Variants in ABCC12 observed in about 807,000 individuals in gnomAD.
ABCC12 encodes the protein ATP binding cassette subfamily C member 12, also known as ATP-binding cassette sub-family C member 12.
A neutral mutation model predicts 151.1 loss-of-function variants in ABCC12; 142 were observed. The ratio of observed to expected loss-of-function variants is 0.94; its 90% CI spans 0.82 to 1.08. The LOEUF (loss-of-function observed/expected upper bound fraction) is 1.08, where lower values mean the gene tolerates loss of function less well. ABCC12 is among the 50% of genes least tolerant of loss of function. ABCC12 has a pLI of 0.00. For missense variants in ABCC12, 1,638 were observed against 1,691.1 expected (o/e 0.97, Z 0.55); for synonymous variants, 645 against 646.4 (o/e 1.00, Z 0.03).
chr16:48,103,156 G>T (rs533100673), intron 22 of ABCC12, among the ~76,000 whole-genome samples: 33 of 152,318 alleles, frequency 2.2e-4, no homozygotes, highest in Non-Finnish European at 4.6e-4. Context: ...GGGTTTGTGG[G>T]CTGAATATTT....
intron 2 of ABCC12, among the ~76,000 whole-genome samples, chr16:48,149,471 A>T (rs904901740): frequency 6.6e-6 from 1 of 152,200 alleles, no homozygotes; most frequent in African/African-American, 2.4e-5. Flanking sequence ...GTTTATTTTA[A>T]ATATAAACAC....
rs763241284 is a variant in ABCC12, at chr16:48,083,511, C to T, written c.*204G>A. Reference sequence around the variant, plus strand: ...ATTAGCTGGGTCTGCCCCGGTTCACCACCCAGAACCAACCCCAAGCCCACC... The same window carrying T: ...ATTAGCTGGGTCTGCCCCGGTTCACTACCCAGAACCAACCCCAAGCCCACC... On this transcript the variant is annotated 3_prime_UTR_variant, in exon 31 of 31. Coordinates refer to ENST00000311303, the MANE Select transcript of ABCC12 (RefSeq NM_001393797.1). 58 of 589,200 alleles carry T rather than the reference C, an allele frequency of 9.8e-5. No individual in the cohort carries two copies. The highest frequency in any genetic ancestry group is 1.4e-4 in the Non-Finnish European group (49 of 341,592). The allele number at this position is 589,200 out of a possible 1,614,324, so 36.5% of individuals were successfully genotyped here. A position where few individuals can be genotyped will look rare whatever the true frequency, so the allele number is the denominator to read the frequency against.
chr16:48,117,457 A>T, intron 13 of ABCC12, 124 bp from the exon 14 acceptor site: 1 of 979,358 alleles, frequency 1.0e-6, no homozygotes, highest in South Asian at 1.5e-5. Context: ...TGCTATGTCC[A>T]AGGCTCCCTG....
chr16:48,100,494 G>GA (rs1225011007), intron 23 of ABCC12, among the ~76,000 whole-genome samples: 1 of 151,960 alleles, frequency 6.6e-6, no homozygotes, highest in Non-Finnish European at 1.5e-5. Context: ...GCCATGAATA[G>GA]AAAAAAAGAA....
intron 13 of ABCC12, among the ~76,000 whole-genome samples, chr16:48,121,051 C>T (rs750805214): frequency 2.0e-5 from 3 of 152,050 alleles, no homozygotes; most frequent in Non-Finnish European, 4.4e-5. Flanking sequence ...ATCACTAACG[C>T]CTATTTCTCC....
intron 12 of ABCC12, among the ~76,000 whole-genome samples, 181 bp from the exon 13 acceptor site, chr16:48,122,021 T>C (rs942783754): frequency 6.6e-6 from 1 of 152,018 alleles, no homozygotes; most frequent in African/African-American, 2.4e-5. Flanking sequence ...AATCTCAGAG[T>C]CAAACACCTG....
intron 13 of ABCC12, among the ~76,000 whole-genome samples, chr16:48,119,171 C>G (rs987401007): frequency 6.6e-6 from 1 of 152,196 alleles, no homozygotes; most frequent in African/African-American, 2.4e-5. Flanking sequence ...CTAGATCCAT[C>G]TTTCAAAGCC....
chr16:48,097,696 C>A (rs1963151408), intron 23 of ABCC12, among the ~76,000 whole-genome samples: 1 of 152,108 alleles, frequency 6.6e-6, no homozygotes, highest in African/African-American at 2.4e-5. Context: ...AGGAAGATGA[C>A]CTTGGAGGCT....
chr16:48,134,316 AT>A (rs1197268011), intron 8 of ABCC12, among the ~76,000 whole-genome samples: 2 of 152,156 alleles, frequency 1.3e-5, no homozygotes, highest in Non-Finnish European at 2.9e-5. Flanking sequence ...ACAAAGGAAA[AT>A]CTTGAGTTCC....
intron 8 of ABCC12, among the ~76,000 whole-genome samples, chr16:48,136,019 G>A (rs775092887): frequency 2.0e-5 from 3 of 152,044 alleles, no homozygotes; most frequent in Non-Finnish European, 2.9e-5. Flanking sequence ...TCATAAGATC[G>A]TCCTCACCAC....
intron 8 of ABCC12, among the ~76,000 whole-genome samples, chr16:48,135,049 CAAA>C (rs1236934094): frequency 1.3e-4 from 10 of 77,942 alleles, no homozygotes; most frequent in South Asian, 4.6e-4. Context: ...GACTCTGTCT[CAAA>C]AAAAAAAAAA....
At chr16:48,144,418 CT>C (rs746861635) in intron 3 of ABCC12, among the ~76,000 whole-genome samples, 1 of 151,410 alleles carries the variant, frequency 6.6e-6, no homozygotes, top group African/African-American at 2.4e-5. Context: ...CCTCTTCCTT[CT>C]TTTTTCCCCT....
rs375381289 is a variant in ABCC12, at chr16:48,101,028, G to C, written c.2901-19C>G. The C allele has an allele frequency of 3.0e-5, 48 of 1,611,592 alleles. No individual in the cohort carries two copies. The highest frequency in any genetic ancestry group is 2.7e-5 in the Non-Finnish European group (32 of 1,178,784). ...GAAAATGCTGGAAGAAAATTGAAAG[G>C]GGCCAGGTGGGCCACAAAGTGAGGT... On this transcript the variant is annotated intron_variant, in intron 22 of 30. Transcript: ENST00000311303.
intron 4 of ABCC12, among the ~76,000 whole-genome samples, chr16:48,142,216 G>A (rs1596630585): frequency 6.6e-6 from 1 of 152,338 alleles, no homozygotes; most frequent in East Asian, 1.9e-4. Flanking sequence ...AATAGGTCCA[G>A]CTTTAGATAG....
rs1567447517 is a variant in ABCC12, at chr16:48,104,304, G to GA, written c.2737dup (p.Ser913PhefsTer107). On this transcript the variant is annotated frameshift_variant, in exon 22 of 31. Coordinates refer to ENST00000311303, the MANE Select transcript of ABCC12 (RefSeq NM_001393797.1). LOFTEE classifies it high-confidence loss of function. The stretch of plus-strand genomic sequence containing the variant: ...CACATCCAGCTCGTCCATATCCTTG[G>GA]AAAAACGGTTCATTAGCCTGCCAGT... The GA allele has an allele frequency of 5.6e-6, 9 of 1,614,246 alleles. No individual in the cohort carries two copies. The highest frequency in any genetic ancestry group is 2.5e-6 in the Non-Finnish European group (3 of 1,180,048).
In ABCC12 at chr16:48,084,017, A is replaced by T. The variant is rs1962469978; in HGVS notation, c.3885T>A (p.Val1295=). 1 of 1,612,996 alleles carries T rather than the reference A, an allele frequency of 6.2e-7. No homozygotes were observed. Among genetic ancestry groups the T allele is most frequent in the Non-Finnish European group, 8.5e-7 (1 of 1,179,828 alleles). Residue 1295 remains valine, a synonymous_variant, in exon 30 of 31, where the codon GTT becomes GTA. Transcript: ENST00000311303. ...ASMDSKTDTL[V]QNTIKDAFKG... is the part of the protein sequence containing the mutation. The stretch of plus-strand genomic sequence containing the variant: ...TGAAGGCATCTTTGATGGTGTTCTG[A>T]ACCAGGGTGTCAGTCTTGGAGTCCA...
chr16:48,100,929 G>A lies in ABCC12; in HGVS notation c.2981C>T (p.Ser994Phe). ...RSPWFTHITS[S>F]MQGLGIIHAY... ...GTGAATGATGCCCAGGCCCTGCATGGAGGAGGTGATGTGGGTGAACCAGGG... is the reference window on the plus strand; with the variant it reads ...GTGAATGATGCCCAGGCCCTGCATGAAGGAGGTGATGTGGGTGAACCAGGG... The change falls in exon 23 of 31, where the codon TCC (serine) becomes TTC (phenylalanine). Residue 994 changes from serine to phenylalanine, a missense_variant. Ser to Phe is a radical substitution (Grantham distance 155, BLOSUM62 -2). Coordinates refer to ENST00000311303, the MANE Select transcript of ABCC12 (RefSeq NM_001393797.1). 1 of 1,614,242 alleles carries A rather than the reference G, an allele frequency of 6.2e-7. No homozygotes were observed. Among genetic ancestry groups the A allele is most frequent in the Non-Finnish European group, 8.5e-7 (1 of 1,180,040 alleles).
chr16:48,104,893 G>A (rs1019483235), intron 21 of ABCC12, among the ~76,000 whole-genome samples: 2 of 152,166 alleles, frequency 1.3e-5, no homozygotes, highest in African/African-American at 2.4e-5. Flanking sequence ...GCATCTCTGC[G>A]GCGGAGTGGC....
At chr16:48,096,963 G>T in intron 23 of ABCC12, 61 bp from the exon 24 acceptor site, 1 of 1,608,780 alleles carries the variant, frequency 6.2e-7, no homozygotes, top group Non-Finnish European at 8.5e-7. Context: ...AAAAGCAGGA[G>T]ATCAGGTTGT....
Sources: gnomAD v4.1 joint callset for allele counts (sites outside exome capture counted in the v4.1 genomes callset) on GRCh38, gnomAD v4.1.1 for gene constraint, MANE v1.5 for transcripts, NCBI Gene and HGNC (gene_info 2026-07-23, HGNC 2026-07-21) for gene names.